Variants in SOCS2 observed in about 807,000 individuals in gnomAD.
SOCS2 encodes the protein suppressor of cytokine signaling 2.
Under a neutral mutation model 18.6 loss-of-function variants are expected in SOCS2, and 10 were observed. The observed-to-expected ratio is 0.54, with a 90% CI of 0.33 to 0.91. The LOEUF (loss-of-function observed/expected upper bound fraction) is 0.91, where lower values mean the gene tolerates loss of function less well. Among genes scored for constraint, SOCS2 ranks in the 40% least tolerant of loss-of-function variants. The pLI, the probability that SOCS2 is intolerant of heterozygous loss-of-function variation, is 0.02. For synonymous variants in SOCS2, 104 were observed against 104.0 expected (o/e 1.00, Z 0.00); for missense variants, 231 against 247.2 (o/e 0.93, Z 0.44).
At chr12:93,577,538 C>A, downstream of SOCS2, among the ~76,000 whole-genome samples, 1 of 150,310 alleles carries the variant, frequency 6.7e-6, no homozygotes, top group East Asian at 1.9e-4. Flanking sequence ...TTTTTTTCCC[C>A]CGGGAGAGGA....
downstream of SOCS2, among the ~76,000 whole-genome samples, chr12:93,587,589 G>C (rs912081709): frequency 1.3e-5 from 2 of 151,722 alleles, no homozygotes; most frequent in African/African-American, 4.9e-5. Flanking sequence ...GCTGAGGCAG[G>C]AGAATCGCTT....
chr12:93,604,395 A>T, the SOCS2 span, among the ~76,000 whole-genome samples: 1 of 152,190 alleles, frequency 6.6e-6, no homozygotes, highest in African/African-American at 2.4e-5. Flanking sequence ...GATTCATTTT[A>T]TCCTAATCTA....
chr12:93,572,975 G>A lies in SOCS2; in HGVS notation c.78G>A (p.Ala26=). The A allele has an allele frequency of 6.4e-7, 1 of 1,568,736 alleles. No homozygotes were observed. Among genetic ancestry groups the A allele is most frequent in the Non-Finnish European group, 8.6e-7 (1 of 1,157,622 alleles). ...TRSQWGTAGS[A]EEPSPQAARL... is the part of the protein sequence containing the mutation. ...GCCAGTGGGGGACCGCGGGGTCGGC[G>A]GAGGAGCCATCCCCGCAGGCGGCGC... is the stretch of plus-strand genomic sequence containing the variant. Residue 26 remains alanine (A), a synonymous_variant, in exon 1 of 2, where the codon GCG becomes GCA. Coordinates refer to ENST00000551556, the MANE Select transcript of SOCS2 (RefSeq NM_001270471.2). This position sits in a 1 kb window ranked among gnomAD's most constrained non-coding sequence, Gnocchi z 5.0.
the SOCS2 span, among the ~76,000 whole-genome samples, chr12:93,615,572 G>A: frequency 8.6e-4 from 131 of 152,322 alleles, no homozygotes; most frequent in African/African-American, 3.1e-3. Flanking sequence ...AGGGATATTA[G>A]GTGGAGTTAT....
chr12:93,622,057 GGCCT>G, the SOCS2 span, among the ~76,000 whole-genome samples: 4 of 152,128 alleles, frequency 2.6e-5, no homozygotes, highest in African/African-American at 9.7e-5. Flanking sequence ...GGTTGAACTT[GGCCT>G]GCAGATATGT....
downstream of SOCS2, among the ~76,000 whole-genome samples, chr12:93,579,677 G>T (rs1954511655): frequency 6.6e-6 from 1 of 152,026 alleles, no homozygotes; most frequent in Non-Finnish European, 1.5e-5. Context: ...TTTCCTCTGT[G>T]TGGCTTGAGT....
the SOCS2 span, among the ~76,000 whole-genome samples, chr12:93,614,679 G>C: frequency 3.4e-5 from 5 of 145,344 alleles, no homozygotes; most frequent in Non-Finnish European, 6.0e-5. Flanking sequence ...GCAGTGGTGT[G>C]ATCTCAGCCC....
chr12:93,573,075 C>T (rs370063402), intron 1 of SOCS2, 39 bp downstream of exon 1: 5 of 1,545,448 alleles, frequency 3.2e-6, no homozygotes, highest in African/African-American at 1.4e-5. Flanking sequence ...CGGGAGGGAG[C>T]GCCTCCCCAA....
At chr12:93,602,731 C>G in the SOCS2 span, among the ~76,000 whole-genome samples, 1 of 152,170 alleles carries the variant, frequency 6.6e-6, no homozygotes, top group Non-Finnish European at 1.5e-5. Flanking sequence ...CTCCCCTTCA[C>G]TTCTCAGCTC....
chr12:93,614,428 TCCCTTC>T, the SOCS2 span, among the ~76,000 whole-genome samples: 1 of 75,410 alleles, frequency 1.3e-5, no homozygotes, highest in African/African-American at 7.1e-5. Context: ...TTCCTTTCTT[TCCCTTC>T]CTTCCTTCCT....
chr12:93,583,922 C>T (rs77472264), downstream of SOCS2, among the ~76,000 whole-genome samples: 5,845 of 152,240 alleles, frequency 0.038, 149 homozygotes, highest in Non-Finnish European at 0.058. Context: ...TTAATAGTGT[C>T]GAAAGACAAA....
chr12:93,609,913 GT>G, the SOCS2 span, among the ~76,000 whole-genome samples: 1 of 152,170 alleles, frequency 6.6e-6, no homozygotes, highest in Admixed American at 6.5e-5. Flanking sequence ...CCTTCTTGCA[GT>G]ATCATCCCAT....
chr12:93,602,035 C>T, the SOCS2 span, among the ~76,000 whole-genome samples: 1 of 152,096 alleles, frequency 6.6e-6, no homozygotes, highest in Admixed American at 6.5e-5. Context: ...AGACATATTA[C>T]AGATTGCAAG....
chr12:93,613,216 C>G, the SOCS2 span, among the ~76,000 whole-genome samples: 1 of 152,264 alleles, frequency 6.6e-6, no homozygotes, highest in Admixed American at 6.5e-5. Flanking sequence ...CCTTTTAAAA[C>G]AACAAAGCTT....
rs1164196692 is a variant in SOCS2 at position 93,576,359 on chromosome 12, G to A, written c.*1180G>A. 6.6e-6 allele frequency: 1 copy of A among 152,304 alleles called. No homozygotes were observed. Among genetic ancestry groups the A allele is most frequent in the Non-Finnish European group, 1.5e-5 (1 of 68,034 alleles). 9.4% of individuals were successfully genotyped at this position (152,304 alleles called of 1,614,324 possible). A position where few individuals can be genotyped will look rare whatever the true frequency, so the allele number is the denominator to read the frequency against. On this transcript the variant is annotated 3_prime_UTR_variant, in exon 2 of 2. Transcript: ENST00000551556. ...GTTATGGGCTGTACCTGCCCCCTTT[G>A]CAATTTGGAAAGCATGGTTTAGAAA... is the stretch of plus-strand genomic sequence containing the variant.
the SOCS2 span, among the ~76,000 whole-genome samples, chr12:93,611,793 G>T: frequency 6.6e-6 from 1 of 152,160 alleles, no homozygotes; most frequent in South Asian, 2.1e-4. Flanking sequence ...ATATTTTATT[G>T]TATTGTTTCA....
the SOCS2 span, among the ~76,000 whole-genome samples, chr12:93,624,583 A>T: frequency 6.7e-6 from 1 of 149,496 alleles, no homozygotes; most frequent in Non-Finnish European, 1.5e-5. Flanking sequence ...AAAAAAAAAA[A>T]TCTATTATGT....
chr12:93,580,489 C>T (rs966728251), downstream of SOCS2, among the ~76,000 whole-genome samples: 1 of 151,868 alleles, frequency 6.6e-6, no homozygotes, highest in South Asian at 2.1e-4. Context: ...GGTGTGGTGG[C>T]GCACACCTAT....
chr12:93,572,923 C>A lies in SOCS2; in HGVS notation c.26C>A (p.Ser9Tyr). Reference protein sequence around the residue: MTLRCLEPSGNGGEGTRSQ... With the variant: MTLRCLEPYGNGGEGTRSQ... ...ATGACCCTGCGGTGCCTTGAGCCCT[C>A]CGGGAATGGCGGGGAAGGGACGCGG... Residue 9 changes from serine to tyrosine, a missense_variant, in exon 1 of 2, where the codon TCC becomes TAC. Ser to Tyr is a moderately radical substitution (Grantham distance 144, BLOSUM62 -2). This residue lies in a region of SOCS2 where 106 missense variants were observed against 103.8 expected (regional missense o/e 1.02). Coordinates refer to ENST00000551556, the MANE Select transcript of SOCS2 (RefSeq NM_001270471.2). The surrounding 1 kb of genome is among the most constrained non-coding windows in gnomAD (Gnocchi z 5.0). 22 of 1,582,630 alleles carry A rather than the reference C, an allele frequency of 1.4e-5. No individual in the cohort carries two copies. The highest frequency in any genetic ancestry group is 2.3e-5 in the East Asian group (1 of 43,212).
Sources: gnomAD v4.1 joint callset for allele counts (sites outside exome capture counted in the v4.1 genomes callset) on GRCh38, gnomAD v4.1.1 for gene constraint, gnomAD v4.1.1 regional missense constraint, Gnocchi (gnomAD v3.1) non-coding constraint, MANE v1.5 for transcripts, NCBI Gene and HGNC (gene_info 2026-07-23, HGNC 2026-07-21) for gene names.